The following CASP9 variants were observed in gnomAD, a reference collection of about 807,000 sequenced individuals.
CASP9 encodes the protein caspase 9, also known as caspase-9.
In CASP9, 29 loss-of-function variants were observed where a neutral mutation model predicts 43.5. The observed-to-expected ratio is 0.67, with a 90% confidence interval of 0.50 to 0.91. The LOEUF is 0.91. Ranked by LOEUF, CASP9 falls within the 40% of genes least tolerant of loss-of-function variation. CASP9 has a pLI of 0.00. For synonymous variants in CASP9, 206 were observed against 211.9 expected (o/e 0.97, Z 0.24); for missense variants, 575 against 537.4 (o/e 1.07, Z -0.69).
Position 15,498,553 on chromosome 1 carries a change from G to C in CASP9, c.869-3101C>G, listed in dbSNP as rs560132041. 7.2e-5 allele frequency among the ~76,000 whole-genome samples: 11 copies of C among 152,048 alleles called. No homozygotes were observed. The South Asian group carries it at 2.1e-3, about 29-fold the overall frequency. On this transcript the variant is annotated intron_variant, in intron 6 of 8. Transcript: ENST00000333868. The stretch of plus-strand genomic sequence containing the variant: ...AAACTTGTCTTTTTTTAGAAATATA[G>C]TTGAGGAAACTGTCCACTATATCAT...
intron 6 of CASP9, among the ~76,000 whole-genome samples, chr1:15,503,939 A>G (rs747754916): frequency 1.3e-5 from 2 of 152,228 alleles, no homozygotes; most frequent in African/African-American, 2.4e-5. Context: ...AGAAAATCAG[A>G]TAACACTGTA....
intron 2 of CASP9, among the ~76,000 whole-genome samples, chr1:15,509,459 A>G (rs9429243): frequency 1.1e-5 from 1 of 89,496 alleles, no homozygotes; most frequent in Non-Finnish European, 2.2e-5. Flanking sequence ...TACTAAAAAT[A>G]CAAAAAAAAA....
intron 6 of CASP9, among the ~76,000 whole-genome samples, chr1:15,500,156 T>C (rs1256744729): frequency 1.3e-5 from 2 of 151,944 alleles, no homozygotes; most frequent in Admixed American, 6.6e-5. Flanking sequence ...TATGTATACA[T>C]ACTGCAGAAA....
intron 6 of CASP9, among the ~76,000 whole-genome samples, chr1:15,501,865 G>A (rs1024875364): frequency 3.9e-5 from 6 of 152,096 alleles, no homozygotes; most frequent in Non-Finnish European, 8.8e-5. Flanking sequence ...TCGACCTCCA[G>A]GGCTCAAGCG....
intron 2 of CASP9, 85 bp from the exon 3 acceptor site, chr1:15,507,992 GA>G: frequency 7.1e-7 from 1 of 1,410,548 alleles, no homozygotes. Context: ...AGCCCCCCAA[GA>G]ACGGAGCAGC....
chr1:15,505,072 T>G (rs1300726518), intron 5 of CASP9, among the ~76,000 whole-genome samples: 2 of 152,174 alleles, frequency 1.3e-5, no homozygotes, highest in Admixed American at 1.3e-4. Flanking sequence ...GCTTGGGAAC[T>G]TGTAAGAAAT....
At chr1:15,504,811 A>G in intron 5 of CASP9, 53 bp from the exon 6 acceptor site, 1 of 1,568,058 alleles carries the variant, frequency 6.4e-7, no homozygotes, top group East Asian at 2.2e-5. Flanking sequence ...GTAGGAATCC[A>G]ACAGCCTGTT....
At position 15,491,663 on chromosome 1, in the gene CASP9, T is replaced by G; in HGVS notation, c.*1280A>C. The G allele has an allele frequency of 4.5e-6, 1 of 223,842 alleles. No homozygotes were observed. The highest frequency in any genetic ancestry group is 1.0e-4 in the East Asian group (1 of 10,002). The allele number at this position is 223,842 out of a possible 1,614,324, so 13.9% of individuals were successfully genotyped here. ...GTCCAAGCTACTCAGGTGGCTGAGG[T>G]GGAAGGATCTCTTGAGCCCAGGAGG... is the stretch of plus-strand genomic sequence containing the variant. On this transcript the variant is annotated 3_prime_UTR_variant, in exon 9 of 9. Transcript: ENST00000333868.
rs147413112 is a variant in CASP9 at position 15,505,880 on chromosome 1, T to G, written c.720+110A>C. On this transcript the variant is annotated intron_variant, in intron 5 of 8. Coordinates refer to ENST00000333868, the MANE Select transcript of CASP9 (RefSeq NM_001229.5). The stretch of plus-strand genomic sequence containing the variant: ...GGTGGGCAGGGCCCCACAGCCCTTT[T>G]CCACAAAGCCAAGGGTGTTTTGGAC... The G allele has an allele frequency of 2.6e-4, 231 of 892,312 alleles. 2 individuals carry two copies. The African/African-American group carries it at 3.5e-3, about 13-fold the overall frequency. 55.3% of individuals were successfully genotyped at this position (892,312 alleles called of 1,614,324 possible).
At chr1:15,498,124 C>T (rs1224775541) in intron 6 of CASP9, among the ~76,000 whole-genome samples, 11 of 152,128 alleles carry the variant, frequency 7.2e-5, no homozygotes, top group Non-Finnish European at 2.9e-5. Context: ...CATTCTGTCA[C>T]CCAGGCTGGA....
At chr1:15,504,342 TG>T (rs772032534) in intron 6 of CASP9, among the ~76,000 whole-genome samples, 3 of 152,244 alleles carry the variant, frequency 2.0e-5, no homozygotes, top group Non-Finnish European at 4.4e-5. Context: ...GCTTTCTTTT[TG>T]CCAAGTCTTT....
At chr1:15,505,918 A>C in intron 5 of CASP9, 72 bp downstream of exon 5, 1 of 1,183,066 alleles carries the variant, frequency 8.5e-7, no homozygotes, top group East Asian at 2.3e-5. Context: ...AAGAAGGGAC[A>C]TGGCCCCTGC....
At chr1:15,512,963 C>T (rs945676124) in intron 2 of CASP9, among the ~76,000 whole-genome samples, 3 of 152,084 alleles carry the variant, frequency 2.0e-5, no homozygotes, top group African/African-American at 7.2e-5. Flanking sequence ...CAAGACCATA[C>T]TGGTTAACAT....
chr1:15,519,037 A>C (rs909828174), intron 1 of CASP9, among the ~76,000 whole-genome samples: 1 of 137,580 alleles, frequency 7.3e-6, no homozygotes, highest in Middle Eastern at 3.6e-3. Context: ...ACCATACCTG[A>C]CTAATTTTTT....
intron 6 of CASP9, among the ~76,000 whole-genome samples, chr1:15,498,742 C>CTTTTTTTTTTTTT (rs1218849159): frequency 2.4e-5 from 2 of 83,494 alleles, no homozygotes; most frequent in Non-Finnish European, 4.3e-5. Context: ...TGAAAGTGAT[C>CTTTTTTTTTTTTT]TTTTTTTTTT....
At chr1:15,524,307 C>A, upstream of CASP9, 1 of 1,460,234 alleles carries the variant, frequency 6.8e-7, no homozygotes, top group Admixed American at 2.7e-5. Context: ...GCCCCCGCGT[C>A]ACGGCCCCGG....
chr1:15,506,855 C>T, intron 4 of CASP9, 44 bp downstream of exon 4: 1 of 1,505,720 alleles, frequency 6.6e-7, no homozygotes, highest in South Asian at 1.2e-5. Flanking sequence ...ACTTCCCCAC[C>T]CACTGCCCCC....
chr1:15,504,606 C>CT lies in CASP9; in HGVS notation c.868+4dup. On this transcript the variant is annotated splice_donor_region_variant and intron_variant, in intron 6 of 8. Coordinates refer to ENST00000333868, the MANE Select transcript of CASP9 (RefSeq NM_001229.5). ...CACCCAGAGGGAGGCTGAGGAGCTG[C>CT]TTACCCCCACCACAGGCCTGGATGA... is the stretch of plus-strand genomic sequence containing the variant. The CT allele has an allele frequency of 6.2e-7, 1 of 1,610,322 alleles. No individual in the cohort carries two copies. Among genetic ancestry groups the CT allele is most frequent in the South Asian group, 1.1e-5 (1 of 90,502 alleles).
At chr1:15,503,111 G>C (rs1709388846) in intron 6 of CASP9, among the ~76,000 whole-genome samples, 1 of 152,162 alleles carries the variant, frequency 6.6e-6, no homozygotes, top group Admixed American at 6.5e-5. Context: ...AGTTGCCTGG[G>C]CACAGTGGCT....
Sources: allele counts gnomAD v4.1 joint callset (sites outside exome capture counted in the v4.1 genomes callset), GRCh38; gene constraint gnomAD v4.1.1; transcripts MANE v1.5; gene names NCBI Gene and HGNC (gene_info 2026-07-23, HGNC 2026-07-21).